Variants in CHI3L1 observed in about 807,000 individuals in gnomAD.
The protein encoded by CHI3L1 is chitinase 3 like 1.
CHI3L1 carries 30 observed loss-of-function variants against 40.7 expected under a neutral mutation model. That is an observed-to-expected ratio of 0.74 (90% confidence interval 0.55 to 1.00). The LOEUF is 1.00. CHI3L1 is among the 50% of genes least tolerant of loss of function. The pLI, the probability that CHI3L1 is intolerant of heterozygous loss-of-function variation, is 0.00. For missense variants in CHI3L1, 493 were observed against 492.2 expected, an observed-to-expected ratio of 1.00 and a Z score of -0.01; for synonymous variants, 210 against 192.1, an observed-to-expected ratio of 1.09 and a Z score of -0.77.
chr1:203,185,541 T>C (rs1656039242), intron 2 of CHI3L1, among the ~76,000 whole-genome samples, 156 bp from the exon 3 acceptor site: 1 of 152,176 alleles, frequency 6.6e-6, no homozygotes, highest in African/African-American at 2.4e-5. Context: ...AAGGAGCTGG[T>C]TCAGGTCCCC....
At chr1:203,181,905 A>T (rs899095847) in intron 6 of CHI3L1, 2 of 152,494 alleles carry the variant, frequency 1.3e-5, no homozygotes, top group African/African-American at 4.8e-5. Flanking sequence ...AAAGCAGATT[A>T]AAAGTAGCAT....
At chr1:203,182,437 A>G (rs1009265070) in intron 6 of CHI3L1, among the ~76,000 whole-genome samples, 1 of 152,250 alleles carries the variant, frequency 6.6e-6, no homozygotes, top group Non-Finnish European at 1.5e-5. Context: ...GGGTTTGAAT[A>G]GCTTTTTCCA....
intron 3 of CHI3L1, 45 bp downstream of exon 3, chr1:203,185,139 A>G: frequency 6.4e-7 from 1 of 1,568,912 alleles, no homozygotes; most frequent in Non-Finnish European, 8.7e-7. Flanking sequence ...CTGCCCTGGG[A>G]CCAGCCCAGC....
chr1:203,183,528 C>T (rs1655990528), intron 5 of CHI3L1, 113 bp downstream of exon 5: 4 of 1,124,574 alleles, frequency 3.6e-6, no homozygotes, highest in Non-Finnish European at 5.3e-6. Context: ...TGCCCTGAGG[C>T]TGAAGTCCCT....
intron 8 of CHI3L1, 165 bp downstream of exon 8, chr1:203,180,305 G>T: frequency 1.5e-6 from 1 of 652,042 alleles, no homozygotes; most frequent in Non-Finnish European, 2.6e-6. Flanking sequence ...GAGATTTTCA[G>T]CAACAAATGT....
chr1:203,182,979 A>T, intron 5 of CHI3L1, 127 bp from the exon 6 acceptor site: 1 of 910,328 alleles, frequency 1.1e-6, no homozygotes, highest in East Asian at 2.7e-5. Context: ...GGCCTAGTGG[A>T]AGTGATAAAG....
chr1:203,186,403 C>T, intron 1 of CHI3L1, 58 bp from the exon 2 acceptor site: 1 of 1,566,818 alleles, frequency 6.4e-7, no homozygotes, highest in Non-Finnish European at 8.7e-7. Context: ...CCGCCCTGCT[C>T]CCTCCCCCAA....
chr1:203,179,298 G>A lies in CHI3L1; in HGVS notation c.*147C>T. ...CCACCAGGGCTGAGCTCAAATCTGT[G>A]TGTTGTGGACCTCTGCATAGGCCCC... On this transcript the variant is annotated 3_prime_UTR_variant, in exon 10 of 10. Coordinates refer to ENST00000255409, the MANE Select transcript of CHI3L1 (RefSeq NM_001276.4). The A allele has an allele frequency of 1.5e-6, 1 of 676,776 alleles. No homozygotes were observed. The highest frequency in any genetic ancestry group is 2.5e-6 in the Non-Finnish European group (1 of 404,274). The allele number at this position is 676,776 out of a possible 1,614,324, so 41.9% of individuals were successfully genotyped here.
At position 203,180,464 on chromosome 1, in the gene CHI3L1, C is replaced by A; in HGVS notation, c.894+6G>T. 6.4e-7 allele frequency: 1 copy of A among 1,566,284 alleles called. No homozygotes were observed. The highest frequency in any genetic ancestry group is 8.6e-7 in the Non-Finnish European group (1 of 1,161,264). On this transcript the variant is annotated splice_donor_region_variant and intron_variant, in intron 8 of 9. Coordinates refer to ENST00000255409, the MANE Select transcript of CHI3L1 (RefSeq NM_001276.4). ...GGGAATCCTACCTTCTCCCCAACTC[C>A]ATTACCTCATAGTAGGCAAGGGTCC...
chr1:203,186,340 CA>C lies in CHI3L1; in HGVS notation c.30del (p.Phe10LeufsTer52). The C allele has an allele frequency of 3.8e-6, 6 of 1,592,306 alleles. No homozygotes were observed. In the Admixed American group the frequency reaches 8.7e-5, roughly 23 times the overall value. The part of the protein sequence containing the change: MGVKASQTG[F>X]VVLVLLQCCS... Reference sequence around the variant, plus strand: ...CAGCACTGGAGCAGCACCAGGACCACAAAGCCTGAAGAGAAATCCAGGATGA... The same window carrying C: ...CAGCACTGGAGCAGCACCAGGACCACAAGCCTGAAGAGAAATCCAGGATGA... On this transcript the variant is annotated frameshift_variant, in exon 2 of 10. Transcript: ENST00000255409. LOFTEE classifies it high-confidence loss of function.
chr1:203,186,423 A>ACCCCCCCCCCCCCCCCCC, intron 1 of CHI3L1, 78 bp from the exon 2 acceptor site: 1 of 1,320,878 alleles, frequency 7.6e-7, no homozygotes, highest in South Asian at 1.2e-5. Context: ...AGCAACTGAG[A>ACCCCCCCCCCCCCCCCCC]CCCACCTCCC....
rs938973988 is a variant in CHI3L1 at position 203,185,471 on chromosome 1, T to A, written c.56-86A>T. On this transcript the variant is annotated intron_variant, in intron 2 of 9. Coordinates refer to ENST00000255409, the MANE Select transcript of CHI3L1 (RefSeq NM_001276.4). ...CCCAGAGCTGAGCACCAATGGGGTG[T>A]GGGGTTGGGTAGGGAGGAGTGGGGT... 9 of 1,193,226 alleles carry A rather than the reference T, an allele frequency of 7.5e-6. No individual in the cohort carries two copies. In the African/African-American group the frequency reaches 1.4e-4, roughly 18 times the overall value. 73.9% of individuals were successfully genotyped at this position (1,193,226 alleles called of 1,614,324 possible).
In CHI3L1 at chr1:203,184,608, CAA is replaced by C; in HGVS notation, c.280_281del (p.Leu94ValfsTer39). On this transcript the variant is annotated frameshift_variant, in exon 4 of 10. Coordinates refer to ENST00000255409, the MANE Select transcript of CHI3L1 (RefSeq NM_001276.4). LOFTEE classifies it high-confidence loss of function. ...KNRNPNLKTL[L>X]SVGGWNFGSQ... ...ACCCAAAGTTCCATCCTCCGACAGA[CAA>C]GAGAGTCTTCAGGTTGGGGTTCCTG... The C allele has an allele frequency of 6.2e-7, 1 of 1,614,056 alleles. No individual in the cohort carries two copies.
At chr1:203,180,795 A>T in intron 7 of CHI3L1, 143 bp from the exon 8 acceptor site, 3 of 641,858 alleles carry the variant, frequency 4.7e-6, no homozygotes, top group South Asian at 2.2e-5. Context: ...GGATCATGTC[A>T]CTTTAAAGTG....
At chr1:203,186,071 C>A (rs186769630) in intron 2 of CHI3L1, among the ~76,000 whole-genome samples, 9 of 152,260 alleles carry the variant, frequency 5.9e-5, no homozygotes, top group Admixed American at 1.3e-4. Context: ...TTAGTCAAAG[C>A]CTTCACTGAA....
rs1193886465 is a variant in CHI3L1 at position 203,184,598 on chromosome 1, CT to C, written c.291del (p.Gly98AspfsTer12). The part of the protein sequence containing the change: ...NPNLKTLLSV[G>X]GWNFGSQRFS... ...TACCTTTGAGACCCAAAGTTCCATC[CT>C]CCGACAGACAAGAGAGTCTTCAGGT... On this transcript the variant is annotated frameshift_variant, in exon 4 of 10. Transcript: ENST00000255409. LOFTEE classifies it high-confidence loss of function. The C allele has an allele frequency of 6.2e-6, 10 of 1,613,974 alleles. No homozygotes were observed. The highest frequency in any genetic ancestry group is 8.5e-6 in the Non-Finnish European group (10 of 1,179,964).
At chr1:203,184,493 C>A in intron 4 of CHI3L1, 83 bp downstream of exon 4, 1 of 1,122,306 alleles carries the variant, frequency 8.9e-7, no homozygotes, top group South Asian at 1.2e-5. Context: ...CTGGAACATC[C>A]ATACAGTGGA....
At position 203,180,441 on chromosome 1, in the gene CHI3L1, G is replaced by A. The variant is rs773173530; in HGVS notation, c.894+29C>T. 3 of 1,512,616 alleles carry A rather than the reference G, an allele frequency of 2.0e-6. No individual in the cohort carries two copies. The South Asian group carries it at 4.0e-5, about 20-fold the overall frequency. The allele number at this position is 1,512,616 out of a possible 1,614,324, so 93.7% of individuals were successfully genotyped here. A position where few individuals can be genotyped will look rare whatever the true frequency, so the allele number is the denominator to read the frequency against. ...CCCCAGGGCTGCTGGTGGTGTGGGG[G>A]AATCCTACCTTCTCCCCAACTCCAT... On this transcript the variant is annotated intron_variant, in intron 8 of 9. Coordinates refer to ENST00000255409, the MANE Select transcript of CHI3L1 (RefSeq NM_001276.4).
intron 5 of CHI3L1, 132 bp from the exon 6 acceptor site, chr1:203,182,984 A>G: frequency 1.1e-6 from 1 of 893,016 alleles, no homozygotes; most frequent in Non-Finnish European, 1.7e-6. Flanking sequence ...AGTGGAAGTG[A>G]TAAAGTGGCT....
Sources: gnomAD v4.1 joint callset for allele counts (sites outside exome capture counted in the v4.1 genomes callset) on GRCh38, gnomAD v4.1.1 for gene constraint, MANE v1.5 for transcripts, NCBI Gene and HGNC (gene_info 2026-07-23, HGNC 2026-07-21) for gene names.